Variants in NAALADL2 observed in about 807,000 individuals in gnomAD.
The protein encoded by NAALADL2 is inactive N-acetylated-alpha-linked acidic dipeptidase-like protein 2.
In NAALADL2, 76 loss-of-function variants were observed where a neutral mutation model predicts 87.2. The observed-to-expected ratio is 0.87, with a 90% CI of 0.72 to 1.05. The LOEUF (loss-of-function observed/expected upper bound fraction) is 1.05, where lower values mean the gene tolerates loss of function less well. NAALADL2 is among the 50% of genes least tolerant of loss of function. The pLI is 0.00. For synonymous variants in NAALADL2, 354 were observed against 331.0 expected (o/e 1.07, Z -0.75); for missense variants, 1,089 against 945.8 (o/e 1.15, Z -1.99).
intron 1 of NAALADL2, among the ~76,000 whole-genome samples, chr3:174,880,580 A>G (rs1729073878): frequency 6.6e-6 from 1 of 152,062 alleles, no homozygotes; most frequent in Non-Finnish European, 1.5e-5. Context: ...CACAGACTCA[A>G]TGACCATCTT....
intron 4 of NAALADL2, among the ~76,000 whole-genome samples, chr3:175,273,211 A>G (rs940844102): frequency 6.6e-6 from 1 of 152,092 alleles, no homozygotes; most frequent in Admixed American, 6.6e-5. Flanking sequence ...TGCTTATTGT[A>G]GGTTGCAATA....
At chr3:175,549,362 C>T (rs557015010) in intron 9 of NAALADL2, among the ~76,000 whole-genome samples, 5 of 151,934 alleles carry the variant, frequency 3.3e-5, no homozygotes, top group African/African-American at 4.8e-5. Flanking sequence ...TTCAGTTGTG[C>T]ACTCTCTGAA....
intron 3 of NAALADL2, among the ~76,000 whole-genome samples, chr3:174,765,845 CT>C (rs1225211969): frequency 6.6e-6 from 1 of 152,176 alleles, no homozygotes; most frequent in Non-Finnish European, 1.5e-5. Context: ...ATATCCTCAC[CT>C]AACACTGTGC....
At chr3:174,953,830 C>T (rs1174260603) in intron 1 of NAALADL2, among the ~76,000 whole-genome samples, 2 of 151,980 alleles carry the variant, frequency 1.3e-5, no homozygotes, top group Non-Finnish European at 1.5e-5. Flanking sequence ...TGGAATTAAT[C>T]ACTTTTTAAT....
chr3:174,589,899 C>T (rs573927693), intron 2 of NAALADL2, among the ~76,000 whole-genome samples: 1 of 150,464 alleles, frequency 6.6e-6, no homozygotes, highest in South Asian at 2.1e-4. Flanking sequence ...TTTGAAAATG[C>T]CATAAATAAA....
chr3:174,452,375 C>G (rs1454240353), intron 1 of NAALADL2, among the ~76,000 whole-genome samples: 4 of 152,070 alleles, frequency 2.6e-5, no homozygotes, highest in Non-Finnish European at 5.9e-5. Context: ...AGTCAGGCAC[C>G]CACCCACCCT....
At chr3:175,345,277 T>A (rs1467302705) in intron 5 of NAALADL2, among the ~76,000 whole-genome samples, 4 of 146,406 alleles carry the variant, frequency 2.7e-5, no homozygotes, top group Non-Finnish European at 6.0e-5. Flanking sequence ...ATTCCATGAT[T>A]CCATGGAATC....
intron 4 of NAALADL2, among the ~76,000 whole-genome samples, chr3:175,306,547 C>T (rs955360440): frequency 2.0e-5 from 3 of 152,166 alleles, no homozygotes; most frequent in East Asian, 1.9e-4. Context: ...CGCGGTGGCT[C>T]GTGCCTGTAA....
chr3:175,232,207 AC>A (rs1229460474), intron 2 of NAALADL2, among the ~76,000 whole-genome samples: 2 of 139,398 alleles, frequency 1.4e-5, no homozygotes, highest in Non-Finnish European at 3.2e-5. Context: ...AAGAAGAAGA[AC>A]AAGAAGAGAA....
intron 9 of NAALADL2, among the ~76,000 whole-genome samples, chr3:175,541,805 C>A (rs985844894): frequency 7.2e-5 from 11 of 152,276 alleles, no homozygotes; most frequent in East Asian, 1.9e-4. Flanking sequence ...TCACTGCAAC[C>A]TTTGCCTCCC....
chr3:174,470,307 G>C (rs1482950156), intron 1 of NAALADL2, among the ~76,000 whole-genome samples: 1 of 152,056 alleles, frequency 6.6e-6, no homozygotes, highest in Admixed American at 6.6e-5. Flanking sequence ...CTTTTGAGAA[G>C]TTCCTCTTCA....
chr3:175,594,807 A>G (rs1722029374), intron 10 of NAALADL2, among the ~76,000 whole-genome samples: 1 of 152,040 alleles, frequency 6.6e-6, no homozygotes, highest in Non-Finnish European at 1.5e-5. Context: ...TATTCTTTTG[A>G]GAAGTGTCTG....
At chr3:175,783,856 T>C (rs1010318371) in intron 13 of NAALADL2, among the ~76,000 whole-genome samples, 3 of 146,746 alleles carry the variant, frequency 2.0e-5, no homozygotes, top group Non-Finnish European at 2.9e-5. Flanking sequence ...AGATAGCTCT[T>C]ATTATTTTGA....
chr3:174,493,971 G>C (rs1460626838), intron 1 of NAALADL2, among the ~76,000 whole-genome samples: 1 of 152,056 alleles, frequency 6.6e-6, no homozygotes, highest in South Asian at 2.1e-4. Context: ...CTTCATATGT[G>C]TCTGACAAAA....
chr3:175,769,608 G>A (rs1248720661), intron 13 of NAALADL2, among the ~76,000 whole-genome samples: 3 of 152,144 alleles, frequency 2.0e-5, no homozygotes, highest in African/African-American at 7.2e-5. Context: ...TAGAGGTAAT[G>A]GAAAAAACGG....
intron 3 of NAALADL2, among the ~76,000 whole-genome samples, chr3:174,789,094 C>T (rs546610633): frequency 6.6e-6 from 1 of 152,274 alleles, no homozygotes; most frequent in Admixed American, 6.5e-5. Context: ...TTGCTGAGGT[C>T]ATTATCACTG....
At chr3:174,803,179 CA>C (rs1719043169) in intron 3 of NAALADL2, among the ~76,000 whole-genome samples, 1 of 152,076 alleles carries the variant, frequency 6.6e-6, no homozygotes, top group African/African-American at 2.4e-5. Flanking sequence ...TTCTAACTGA[CA>C]TGAGATGGTA....
chr3:175,149,845 G>A (rs1224936927), intron 2 of NAALADL2, among the ~76,000 whole-genome samples: 4 of 152,200 alleles, frequency 2.6e-5, no homozygotes, highest in African/African-American at 9.6e-5. Flanking sequence ...TTGGACTCTA[G>A]AAAGCCACCT....
chr3:174,995,496 T>A (rs1321211690), intron 1 of NAALADL2, among the ~76,000 whole-genome samples: 8 of 151,994 alleles, frequency 5.3e-5, no homozygotes, highest in African/African-American at 1.9e-4. Context: ...TAGGGAGAGG[T>A]ATTTGGGTTT....
Sources: gnomAD v4.1 joint callset for allele counts (sites outside exome capture counted in the v4.1 genomes callset) on GRCh38, gnomAD v4.1.1 for gene constraint, MANE v1.5 for transcripts, NCBI Gene and HGNC (gene_info 2026-07-23, HGNC 2026-07-21) for gene names.